Variants in SUGCT observed in about 807,000 individuals in gnomAD.
SUGCT encodes succinyl-CoA:glutarate-CoA transferase, also known as succinyl-CoA:glutarate CoA-transferase.
SUGCT carries 41 observed loss-of-function variants against 55.0 expected under a neutral mutation model. That is an observed-to-expected ratio of 0.74 (90% CI 0.58 to 0.97). The LOEUF is 0.97. Ranked by LOEUF, SUGCT falls within the 50% of genes least tolerant of loss-of-function variation. The probability of loss-of-function intolerance (pLI) is 0.00; values close to 1 mark genes in which losing one functional copy is unlikely to be tolerated. For synonymous variants in SUGCT, 187 were observed against 200.4 expected (o/e 0.93, Z 0.56); for missense variants, 568 against 547.8 (o/e 1.04, Z -0.37).
intron 12 of SUGCT, among the ~76,000 whole-genome samples, chr7:40,704,671 A>C (rs1232403875): frequency 1.3e-5 from 2 of 152,190 alleles, no homozygotes; most frequent in Admixed American, 6.5e-5. Flanking sequence ...ATGTTAGGGA[A>C]GGTTTTGTCG....
At chr7:40,815,068 G>A in intron 13 of SUGCT, among the ~76,000 whole-genome samples, 1 of 152,190 alleles carries the variant, frequency 6.6e-6, no homozygotes, top group East Asian at 1.9e-4. Flanking sequence ...CAGCCAACAT[G>A]GTTGGATATA....
At chr7:40,992,117 G>A in the SUGCT span, among the ~76,000 whole-genome samples, 1 of 152,078 alleles carries the variant, frequency 6.6e-6, no homozygotes, top group African/African-American at 2.4e-5. Flanking sequence ...GCTATGTTAT[G>A]GTTATTTCTT....
At chr7:40,847,416 T>C (rs1200575890) in intron 13 of SUGCT, among the ~76,000 whole-genome samples, 25 of 137,072 alleles carry the variant, frequency 1.8e-4, no homozygotes, top group African/African-American at 4.1e-4. Context: ...TCTTTCTTTT[T>C]TTTTTTTTTT....
At chr7:40,729,067 C>T (rs1786755892) in intron 12 of SUGCT, among the ~76,000 whole-genome samples, 1 of 152,184 alleles carries the variant, frequency 6.6e-6, no homozygotes, top group African/African-American at 2.4e-5. Context: ...TCAGACACTA[C>T]ACTATGATGC....
chr7:40,439,061 G>GTTAT lies in SUGCT; in HGVS notation c.817-10226_817-10225insTTAT, dbSNP rs1554338574. ...GTATATATATATATGGTATATATATGGTGTATATATATATATATATATATA... is the reference window on the plus strand; with the variant it reads ...GTATATATATATATGGTATATATATGTTATGTGTATATATATATATATATATATA... On this transcript the variant is annotated intron_variant, in intron 9 of 13. Coordinates refer to ENST00000335693, the MANE Select transcript of SUGCT (RefSeq NM_001193313.2). Among the ~76,000 whole-genome samples, 2 of 51,896 alleles carry GTTAT rather than the reference G, an allele frequency of 3.9e-5. 1 individual carries two copies. Among genetic ancestry groups the GTTAT allele is most frequent in the Non-Finnish European group, 6.1e-5 (2 of 32,906 alleles). The allele number at this position is 51,896 out of a possible 152,430, so 34.0% of individuals were successfully genotyped here. A position where few individuals can be genotyped will look rare whatever the true frequency, so the allele number is the denominator to read the frequency against.
intron 7 of SUGCT, among the ~76,000 whole-genome samples, chr7:40,263,796 T>C (rs1791381583): frequency 1.3e-5 from 2 of 152,200 alleles, no homozygotes; most frequent in Non-Finnish European, 1.5e-5. Context: ...CTGGCTAATA[T>C]GGTGAGTCCA....
rs569111248 is a variant in SUGCT, at chr7:40,363,785, T to C, written c.816+46930T>C. On this transcript the variant is annotated intron_variant, in intron 9 of 13. Transcript: ENST00000335693. ...GGTGTGGTGCTGAAAAAAGTGTATA[T>C]TCTGTTGATTTGGGGTGGAGAGTTC... is the stretch of plus-strand genomic sequence containing the variant. 4.5e-4 allele frequency among the ~76,000 whole-genome samples: 69 copies of C among 152,228 alleles called. No homozygotes were observed. In the East Asian group the frequency reaches 0.011, roughly 24 times the overall value.
At chr7:40,864,001 G>T (rs373707506), downstream of SUGCT, among the ~76,000 whole-genome samples, 1 of 152,108 alleles carries the variant, frequency 6.6e-6, no homozygotes, top group African/African-American at 2.4e-5. Context: ...TTATATTGCA[G>T]TCTAAAAGTT....
chr7:40,738,690 A>G (rs2128702643), intron 12 of SUGCT, among the ~76,000 whole-genome samples: 1 of 152,354 alleles, frequency 6.6e-6, no homozygotes, highest in South Asian at 2.1e-4. Context: ...AAGACAATAC[A>G]TTTGATCACT....
intron 9 of SUGCT, among the ~76,000 whole-genome samples, chr7:40,350,145 A>G (rs1797538070): frequency 6.6e-6 from 1 of 151,896 alleles, no homozygotes. Flanking sequence ...TCTTTTTAAA[A>G]TAATTTCATA....
chr7:40,568,039 T>G (rs1796243510), intron 12 of SUGCT, among the ~76,000 whole-genome samples: 1 of 152,176 alleles, frequency 6.6e-6, no homozygotes, highest in Non-Finnish European at 1.5e-5. Context: ...ATAACTTGGG[T>G]ATTTTATTAG....
Position 40,632,266 on chromosome 7 carries a change from A to G in SUGCT, c.1090-117168A>G, listed in dbSNP as rs568502306. 9.2e-5 allele frequency among the ~76,000 whole-genome samples: 14 copies of G among 152,162 alleles called. No homozygotes were observed. The East Asian group carries it at 2.7e-3, about 30-fold the overall frequency. On this transcript the variant is annotated intron_variant, in intron 12 of 13. Coordinates refer to ENST00000335693, the MANE Select transcript of SUGCT (RefSeq NM_001193313.2). ...GAAGCCTTGATAAGCTCAAGCCTTG[A>G]AAAGCTGCTGGCCTTTTGCTGGAAA...
At chr7:40,543,431 A>G (rs1403465116) in intron 12 of SUGCT, among the ~76,000 whole-genome samples, 1 of 152,240 alleles carries the variant, frequency 6.6e-6, no homozygotes, top group Non-Finnish European at 1.5e-5. Context: ...AGGCTGCAAC[A>G]CACAGACTGA....
intron 12 of SUGCT, among the ~76,000 whole-genome samples, chr7:40,723,506 A>G (rs1786459445): frequency 1.3e-5 from 2 of 152,204 alleles, no homozygotes; most frequent in Admixed American, 6.5e-5. Flanking sequence ...AATGCAGCAG[A>G]TGACTGCTTA....
At chr7:40,930,115 T>A in the SUGCT span, among the ~76,000 whole-genome samples, 1 of 152,108 alleles carries the variant, frequency 6.6e-6, no homozygotes, top group Non-Finnish European at 1.5e-5. Flanking sequence ...TAAAGAAGGG[T>A]ACCAGTTTCA....
At chr7:40,970,369 G>A in the SUGCT span, among the ~76,000 whole-genome samples, 16 of 151,950 alleles carry the variant, frequency 1.1e-4, no homozygotes, top group African/African-American at 3.6e-4. Context: ...ACAAGGTTTC[G>A]CCATGTTAGC....
At chr7:40,894,985 G>A in the SUGCT span, among the ~76,000 whole-genome samples, 8 of 152,082 alleles carry the variant, frequency 5.3e-5, no homozygotes, top group East Asian at 1.2e-3. Flanking sequence ...AATATAAATC[G>A]TTCTACCATA....
chr7:40,420,998 T>A (rs1787279440), intron 9 of SUGCT, among the ~76,000 whole-genome samples: 1 of 152,070 alleles, frequency 6.6e-6, no homozygotes, highest in Non-Finnish European at 1.5e-5. Flanking sequence ...TTTCCAATAT[T>A]TCCCTCGACC....
chr7:40,543,592 A>G (rs573170221), intron 12 of SUGCT, among the ~76,000 whole-genome samples: 1 of 152,350 alleles, frequency 6.6e-6, no homozygotes, highest in Non-Finnish European at 1.5e-5. Context: ...GAAACCTGCA[A>G]AAGTTTATCT....
Sources: gnomAD v4.1 joint callset for allele counts (sites outside exome capture counted in the v4.1 genomes callset) on GRCh38, gnomAD v4.1.1 for gene constraint, MANE v1.5 for transcripts, NCBI Gene and HGNC (gene_info 2026-07-23, HGNC 2026-07-21) for gene names.